Variants in CCDC62 observed in about 807,000 individuals in gnomAD.
The protein encoded by CCDC62 is coiled-coil domain containing 62, also known as coiled-coil domain-containing protein 62.
A neutral mutation model predicts 80.8 loss-of-function variants in CCDC62; 72 were observed. The observed-to-expected ratio is 0.89, with a 90% CI of 0.74 to 1.08. The LOEUF (loss-of-function observed/expected upper bound fraction) is 1.08, where lower values mean the gene tolerates loss of function less well. Ranked by LOEUF, CCDC62 falls within the 50% of genes least tolerant of loss-of-function variation. The pLI is 0.00. For synonymous variants in CCDC62, 286 were observed against 296.5 expected (o/e 0.96, Z 0.36); for missense variants, 704 against 809.4 (o/e 0.87, Z 1.58).
chr12:122,789,911 T>G (rs976055233), intron 5 of CCDC62, among the ~76,000 whole-genome samples: 1 of 151,770 alleles, frequency 6.6e-6, no homozygotes, highest in Non-Finnish European at 1.5e-5. Context: ...CAGTGTACTG[T>G]TAATAGCATG....
rs200241762 is a variant in CCDC62 at position 122,823,339 on chromosome 12, A to G, written c.2002-27A>G. The G allele has an allele frequency of 7.2e-3, 11,261 of 1,574,472 alleles. 49 individuals carry two copies. Among genetic ancestry groups the G allele is most frequent in the Non-Finnish European group, 8.9e-3 (10,241 of 1,144,712 alleles). On this transcript the variant is annotated intron_variant, in intron 11 of 12. Coordinates refer to ENST00000253079, the MANE Select transcript of CCDC62 (RefSeq NM_201435.5). ...AGAATTTTTTAGTTTCTCTATCCTG[A>G]ATACTAATCTGGGAGTTGTTTTCTA...
intron 6 of CCDC62, among the ~76,000 whole-genome samples, chr12:122,793,755 TAAG>T (rs982893884): frequency 1.3e-5 from 2 of 152,112 alleles, no homozygotes; most frequent in African/African-American, 4.8e-5. Context: ...ATGCCCGACC[TAAG>T]AAGTTTTAAG....
intron 5 of CCDC62, among the ~76,000 whole-genome samples, chr12:122,791,767 A>C (rs1177096651): frequency 6.6e-6 from 1 of 152,178 alleles, no homozygotes; most frequent in Non-Finnish European, 1.5e-5. Context: ...TTTTTAAAAG[A>C]TTGCTCTGTG....
rs865910155 is a variant in CCDC62 at position 122,777,493 on chromosome 12, C to T, written c.39C>T (p.Asn13=). Residue 13 remains asparagine (N), a splice_region_variant and synonymous_variant, in exon 2 of 13, where the codon AAC becomes AAT. Coordinates refer to ENST00000253079, the MANE Select transcript of CCDC62 (RefSeq NM_201435.5). ...GTGAAACCGCTTTCTATGTTTAGAA[C>T]ATCGGGTCAGAAGTTGAGATTTCCA... ...PPAAFLAGRQ[N]IGSEVEISTI... 3 of 1,606,400 alleles carry T rather than the reference C, an allele frequency of 1.9e-6. No homozygotes were observed. Among genetic ancestry groups the T allele is most frequent in the Non-Finnish European group, 2.6e-6 (3 of 1,175,328 alleles).
intron 1 of CCDC62, chr12:122,777,271 G>A (rs901187117): frequency 2.1e-5 from 10 of 477,512 alleles, no homozygotes; most frequent in South Asian, 1.9e-4. Context: ...GGCATGGTAC[G>A]TATGGCATGA....
At position 122,801,264 on chromosome 12, in the gene CCDC62, G is replaced by A. The variant is rs1040613218; in HGVS notation, c.1118G>A (p.Cys373Tyr). Residue 373 changes from cysteine (C) to tyrosine (Y), a missense_variant, in exon 9 of 13, where the codon TGC becomes TAC. Cys to Tyr is a radical substitution (Grantham distance 194). Transcript: ENST00000253079. Reference protein sequence around the residue: ...VQQNRSDKSSCDECKEKKQQI... With the variant: ...VQQNRSDKSSYDECKEKKQQI... ...CAAAATAGGTCAGACAAGAGCTCTT[G>A]CGATGAATGCAAAGAGAAGAAACAA... is the stretch of plus-strand genomic sequence containing the variant. 3.1e-6 allele frequency: 5 copies of A among 1,614,010 alleles called. No homozygotes were observed. The highest frequency in any genetic ancestry group is 4.2e-6 in the Non-Finnish European group (5 of 1,180,030).
intron 10 of CCDC62, among the ~76,000 whole-genome samples, chr12:122,811,125 A>C (rs1042422027): frequency 6.6e-6 from 1 of 152,126 alleles, no homozygotes; most frequent in Non-Finnish European, 1.5e-5. Flanking sequence ...CATATGTAAC[A>C]AACCTGCACG....
chr12:122,806,639 C>T (rs1284424328), intron 10 of CCDC62, among the ~76,000 whole-genome samples: 3 of 151,782 alleles, frequency 2.0e-5, no homozygotes, highest in African/African-American at 7.3e-5. Flanking sequence ...CCACCACGCC[C>T]AGCTAATTTT....
intron 4 of CCDC62, among the ~76,000 whole-genome samples, chr12:122,787,919 G>C (rs2030368607): frequency 1.3e-5 from 2 of 152,142 alleles, no homozygotes; most frequent in Non-Finnish European, 2.9e-5. Context: ...GGTGTTAATG[G>C]AACTGTGTTC....
intron 12 of CCDC62, among the ~76,000 whole-genome samples, chr12:122,825,400 G>T (rs534953004): frequency 7.1e-6 from 1 of 141,554 alleles, no homozygotes; most frequent in Non-Finnish European, 1.5e-5. Context: ...AGTCTGGAGT[G>T]CAGTGGTGCG....
intron 5 of CCDC62, among the ~76,000 whole-genome samples, chr12:122,790,102 G>C (rs1402701920): frequency 6.6e-6 from 1 of 151,880 alleles, no homozygotes; most frequent in Non-Finnish European, 1.5e-5. Flanking sequence ...CCAGGCTGGA[G>C]TGCAATGGCG....
intron 11 of CCDC62, among the ~76,000 whole-genome samples, chr12:122,822,224 G>A (rs2032436233): frequency 6.7e-6 from 1 of 150,328 alleles, no homozygotes; most frequent in Non-Finnish European, 1.5e-5. Flanking sequence ...CTGCCTTTCA[G>A]CCTCCCAAGT....
chr12:122,787,750 G>GAA (rs142368952), intron 4 of CCDC62, among the ~76,000 whole-genome samples: 2 of 131,638 alleles, frequency 1.5e-5, no homozygotes, highest in Admixed American at 7.8e-5. Context: ...ACTTCATCTG[G>GAA]AAAAAAAAAA....
intron 10 of CCDC62, among the ~76,000 whole-genome samples, chr12:122,811,919 A>G (rs1189925719): frequency 6.6e-6 from 1 of 151,850 alleles, no homozygotes; most frequent in Non-Finnish European, 1.5e-5. Context: ...TCACATCCCA[A>G]AGTTGAAATT....
chr12:122,781,422 A>C (rs1449203990), intron 3 of CCDC62, 92 bp downstream of exon 3: 4 of 1,242,970 alleles, frequency 3.2e-6, no homozygotes, highest in Non-Finnish European at 4.6e-6. Flanking sequence ...ACGGTGGCTC[A>C]CTCCTGTAAT....
chr12:122,812,339 G>A (rs2031927273), intron 10 of CCDC62, among the ~76,000 whole-genome samples: 1 of 151,716 alleles, frequency 6.6e-6, no homozygotes, highest in African/African-American at 2.4e-5. Context: ...CTACTCGGGA[G>A]GCTGAGGCAG....
chr12:122,797,869 T>A (rs933004058), intron 7 of CCDC62, among the ~76,000 whole-genome samples: 4 of 152,150 alleles, frequency 2.6e-5, no homozygotes, highest in Admixed American at 6.6e-5. Context: ...AGCAAATAGG[T>A]CTTGCTTGTG....
At chr12:122,802,430 T>G (rs2031366925) in intron 9 of CCDC62, among the ~76,000 whole-genome samples, 1 of 149,674 alleles carries the variant, frequency 6.7e-6, no homozygotes, top group Non-Finnish European at 1.5e-5. Context: ...TTTTTTTTTT[T>G]GGAGATGGAG....
chr12:122,810,163 G>A (rs9795629), intron 10 of CCDC62, among the ~76,000 whole-genome samples: 127,944 of 151,794 alleles, frequency 0.84, 55,172 homozygotes, highest in East Asian at 0.99. Context: ...GCCAAAATCG[G>A]CAAATGGGTT....
Sources: gnomAD v4.1 joint callset for allele counts (sites outside exome capture counted in the v4.1 genomes callset) on GRCh38, gnomAD v4.1.1 for gene constraint, MANE v1.5 for transcripts, NCBI Gene and HGNC (gene_info 2026-07-23, HGNC 2026-07-21) for gene names.